NRXN1: variants seen among roughly 807,000 people sequenced by gnomAD.
The protein encoded by NRXN1 is neurexin 1.
Under a neutral mutation model 150.9 loss-of-function variants are expected in NRXN1, and 39 were observed. That is an observed-to-expected ratio of 0.26 (90% confidence interval 0.20 to 0.34). NRXN1 has a LOEUF of 0.34. Ranked by LOEUF, NRXN1 falls within the 10% of genes least tolerant of loss-of-function variation. The probability of loss-of-function intolerance (pLI) is 1.00; values close to 1 mark genes in which losing one functional copy is unlikely to be tolerated. For synonymous variants in NRXN1, 924 were observed against 757.0 expected (o/e 1.22, Z -3.62); for missense variants, 1,815 against 1,949.9 (o/e 0.93, Z 1.30).
At chr2:50,459,511 G>A (rs116040082) in intron 17 of NRXN1, among the ~76,000 whole-genome samples, 2,567 of 152,068 alleles carry the variant, frequency 0.017, 74 homozygotes, top group African/African-American at 0.058. Flanking sequence ...CCTTCTTTGC[G>A]TTCATGAGTT....
At chr2:50,895,287 A>T (rs1237864750) in intron 5 of NRXN1, among the ~76,000 whole-genome samples, 1 of 152,192 alleles carries the variant, frequency 6.6e-6, no homozygotes, top group African/African-American at 2.4e-5. Flanking sequence ...AGGTGATTTA[A>T]AAAGCAGACA....
At chr2:50,694,617 T>C (rs989447930) in intron 5 of NRXN1, among the ~76,000 whole-genome samples, 2 of 152,176 alleles carry the variant, frequency 1.3e-5, no homozygotes, top group African/African-American at 4.8e-5. Flanking sequence ...AGAAGCATCA[T>C]ATCCTTTGGT....
At chr2:50,386,351 A>AT (rs749433818) in intron 17 of NRXN1, among the ~76,000 whole-genome samples, 29 of 149,314 alleles carry the variant, frequency 1.9e-4, no homozygotes, top group Admixed American at 4.6e-4. Flanking sequence ...ATTATCTTAG[A>AT]TTTTTTTTTC....
chr2:50,873,295 A>G (rs1678065788), intron 5 of NRXN1, among the ~76,000 whole-genome samples: 1 of 151,874 alleles, frequency 6.6e-6, no homozygotes, highest in Non-Finnish European at 1.5e-5. Flanking sequence ...TACCCCTGTA[A>G]TATCAAAACA....
chr2:50,851,998 G>A (rs1354984521), intron 5 of NRXN1, among the ~76,000 whole-genome samples: 1 of 152,178 alleles, frequency 6.6e-6, no homozygotes, highest in Non-Finnish European at 1.5e-5. Flanking sequence ...TGTCTTTTTA[G>A]CCACAGAAAA....
chr2:50,412,046 T>A (rs901094072), intron 17 of NRXN1, among the ~76,000 whole-genome samples: 10 of 152,180 alleles, frequency 6.6e-5, no homozygotes, highest in African/African-American at 2.4e-4. Flanking sequence ...ACATGTGCTG[T>A]GTCCACTCAG....
intron 17 of NRXN1, among the ~76,000 whole-genome samples, chr2:50,414,036 G>A (rs949012300): frequency 8.7e-6 from 1 of 115,330 alleles, no homozygotes; most frequent in African/African-American, 3.4e-5. Flanking sequence ...GGCTGGGAAG[G>A]GTAGTGGGGT....
chr2:50,190,336 T>C (rs2061365381), intron 18 of NRXN1, among the ~76,000 whole-genome samples: 1 of 152,140 alleles, frequency 6.6e-6, no homozygotes, highest in Admixed American at 6.6e-5. Context: ...ACACCAAATA[T>C]TGTATATGCT....
At chr2:49,996,850 T>G (rs1016755186) in intron 21 of NRXN1, among the ~76,000 whole-genome samples, 1 of 152,222 alleles carries the variant, frequency 6.6e-6, no homozygotes, top group African/African-American at 2.4e-5. Context: ...TTTGGTAAAT[T>G]GTTACAGCAA....
intron 10 of NRXN1, among the ~76,000 whole-genome samples, chr2:50,532,926 C>G (rs578079029): frequency 6.6e-6 from 1 of 152,208 alleles, no homozygotes; most frequent in African/African-American, 2.4e-5. Flanking sequence ...AGAAAAACTA[C>G]CTGGAATTAA....
At chr2:50,987,125 T>A (rs1401419397) in intron 2 of NRXN1, among the ~76,000 whole-genome samples, 1 of 151,920 alleles carries the variant, frequency 6.6e-6, no homozygotes, top group African/African-American at 2.4e-5. Context: ...AACTCATTTT[T>A]TTCACTGTCA....
chr2:50,074,241 C>A (rs1573755440), intron 19 of NRXN1, among the ~76,000 whole-genome samples: 1 of 151,994 alleles, frequency 6.6e-6, no homozygotes, highest in Non-Finnish European at 1.5e-5. Flanking sequence ...TATATTAGCA[C>A]TAGATGATGT....
At chr2:50,402,260 T>A (rs1048208607) in intron 17 of NRXN1, among the ~76,000 whole-genome samples, 1 of 152,152 alleles carries the variant, frequency 6.6e-6, no homozygotes, top group African/African-American at 2.4e-5. Context: ...ATTAATTTTA[T>A]AAGTATGGAT....
At chr2:50,790,499 T>TA (rs1214815365) in intron 5 of NRXN1, among the ~76,000 whole-genome samples, 5 of 152,060 alleles carry the variant, frequency 3.3e-5, no homozygotes, top group African/African-American at 9.7e-5. Context: ...CAGGTACCTG[T>TA]AACCCCAGCT....
chr2:50,865,606 G>GTGTGTT (rs1676776498), intron 5 of NRXN1, among the ~76,000 whole-genome samples: 1 of 141,362 alleles, frequency 7.1e-6, no homozygotes, highest in Admixed American at 7.3e-5. Context: ...GTGTGTGTGT[G>GTGTGTT]TGTGTGTGTA....
At chr2:50,645,890 T>A (rs531250521) in intron 5 of NRXN1, among the ~76,000 whole-genome samples, 59 of 152,008 alleles carry the variant, frequency 3.9e-4, no homozygotes, top group Non-Finnish European at 7.5e-4. Context: ...AGATAGTAAA[T>A]CACACATTAA....
At chr2:50,802,500 T>TGGAAGGAAGGAAGGAAGGAAGGAA (rs749335750) in intron 5 of NRXN1, among the ~76,000 whole-genome samples, 2 of 88,366 alleles carry the variant, frequency 2.3e-5, no homozygotes, top group Non-Finnish European at 4.6e-5. Context: ...GAAAGAGAAA[T>TGGAAGGAAGGAAGGAAGGAAGGAA]GGAAGGAAGG....
intron 18 of NRXN1, among the ~76,000 whole-genome samples, chr2:50,175,548 T>C (rs547345307): frequency 1.3e-5 from 2 of 152,196 alleles, no homozygotes; most frequent in South Asian, 4.1e-4. Flanking sequence ...TACTTTTAGA[T>C]TTTTTGGTTA....
chr2:50,970,987 CT>C (rs1352948949), intron 2 of NRXN1, among the ~76,000 whole-genome samples: 1 of 151,948 alleles, frequency 6.6e-6, no homozygotes, highest in Non-Finnish European at 1.5e-5. Flanking sequence ...TTTTTTAGGA[CT>C]TTTTTCTTTA....
Sources: gnomAD v4.1 joint callset for allele counts (sites outside exome capture counted in the v4.1 genomes callset) on GRCh38, gnomAD v4.1.1 for gene constraint, MANE v1.5 for transcripts, NCBI Gene and HGNC (gene_info 2026-07-23, HGNC 2026-07-21) for gene names.